The following PDE7B variants were observed in gnomAD, a reference collection of about 807,000 sequenced individuals.
The protein encoded by PDE7B is 3',5'-cyclic-AMP phosphodiesterase 7B.
A neutral mutation model predicts 56.2 loss-of-function variants in PDE7B; 29 were observed. That is an observed-to-expected ratio of 0.52 (90% CI 0.38 to 0.70). The LOEUF is 0.70. PDE7B is among the 30% of genes least tolerant of loss of function. The probability of loss-of-function intolerance (pLI) is 0.00; values close to 1 mark genes in which losing one functional copy is unlikely to be tolerated. For synonymous variants in PDE7B, 197 were observed against 196.9 expected, an observed-to-expected ratio of 1.00 and a Z score of 0.00; for missense variants, 490 against 565.0, an observed-to-expected ratio of 0.87 and a Z score of 1.35.
chr6:135,877,987 C>T (rs796172656), intron 1 of PDE7B, among the ~76,000 whole-genome samples: 85 of 152,158 alleles, frequency 5.6e-4, no homozygotes, highest in African/African-American at 1.9e-3. Flanking sequence ...ACATCTCCAA[C>T]GTGCCACATG....
chr6:136,007,215 G>A (rs1019684338), intron 2 of PDE7B, among the ~76,000 whole-genome samples: 4 of 152,086 alleles, frequency 2.6e-5, no homozygotes, highest in African/African-American at 9.7e-5. Flanking sequence ...TCACATTTAT[G>A]GATTTGTATA....
intron 2 of PDE7B, among the ~76,000 whole-genome samples, chr6:136,014,719 G>T (rs1207081211): frequency 6.6e-6 from 1 of 152,218 alleles, no homozygotes; most frequent in Non-Finnish European, 1.5e-5. Context: ...TCTTTTGAAA[G>T]TAGGTAGAGT....
chr6:136,108,774 C>A lies in PDE7B; in HGVS notation c.126C>A (p.Arg42=), dbSNP rs755359620. 10 of 1,611,714 alleles carry A rather than the reference C, an allele frequency of 6.2e-6. No homozygotes were observed. The African/African-American group carries it at 1.3e-4, about 22-fold the overall frequency. The change falls in exon 3 of 13, where the codon CGC becomes CGA. Residue 42 remains arginine (R), a synonymous_variant. Transcript: ENST00000308191. ...GTCAGACGGGGGTTCGTGCTGAACG[C>A]CGTGGCTCCTACCCATTCATTGACT... is the stretch of plus-strand genomic sequence containing the variant. ...LRGQTGVRAE[R]RGSYPFIDFR...
intron 2 of PDE7B, among the ~76,000 whole-genome samples, chr6:135,997,893 CT>C (rs1409790406): frequency 4.6e-5 from 7 of 152,092 alleles, no homozygotes; most frequent in Non-Finnish European, 1.0e-4. Context: ...CTTTTTAATA[CT>C]GCCTTTTTAC....
chr6:136,074,246 C>A (rs114339369), intron 2 of PDE7B, among the ~76,000 whole-genome samples: 1 of 147,420 alleles, frequency 6.8e-6, no homozygotes, highest in South Asian at 2.1e-4. Context: ...AAAAAAAAGG[C>A]GGGGGGGATT....
chr6:136,115,523 T>C (rs1310472046), intron 3 of PDE7B, among the ~76,000 whole-genome samples: 2 of 152,114 alleles, frequency 1.3e-5, no homozygotes, highest in East Asian at 3.9e-4. Flanking sequence ...CAGGAAAAAT[T>C]ATACAACATA....
At chr6:136,024,286 G>C (rs1043487146) in intron 2 of PDE7B, among the ~76,000 whole-genome samples, 2 of 152,184 alleles carry the variant, frequency 1.3e-5, no homozygotes, top group Non-Finnish European at 2.9e-5. Flanking sequence ...AGAAATGGCA[G>C]CAGATCAATA....
intron 2 of PDE7B, among the ~76,000 whole-genome samples, chr6:135,998,894 G>A (rs1775615767): frequency 6.6e-6 from 1 of 152,096 alleles, no homozygotes; most frequent in African/African-American, 2.4e-5. Flanking sequence ...GAAAGAAGGA[G>A]GAGGGGAGAG....
chr6:135,865,043 T>C (rs970528564), intron 1 of PDE7B, among the ~76,000 whole-genome samples: 5 of 150,874 alleles, frequency 3.3e-5, no homozygotes, highest in African/African-American at 1.2e-4. Context: ...ATGCAATGTT[T>C]GTTTTTTTGT....
At chr6:136,008,382 A>G (rs1775826236) in intron 2 of PDE7B, among the ~76,000 whole-genome samples, 1 of 152,146 alleles carries the variant, frequency 6.6e-6, no homozygotes, top group African/African-American at 2.4e-5. Flanking sequence ...TGGTATTTCT[A>G]GTTCTAGATC....
chr6:135,907,926 A>T (rs531824034), intron 1 of PDE7B, among the ~76,000 whole-genome samples: 1 of 152,202 alleles, frequency 6.6e-6, no homozygotes, highest in South Asian at 2.1e-4. Context: ...GAAATAGAAG[A>T]TGGCCCCTAA....
At chr6:135,860,017 G>C (rs140124980) in intron 1 of PDE7B, among the ~76,000 whole-genome samples, 4 of 152,100 alleles carry the variant, frequency 2.6e-5, no homozygotes, top group Admixed American at 6.5e-5. Flanking sequence ...GAATGATACT[G>C]TTGGCAAGTT....
chr6:136,188,417 T>C (rs913369953), intron 12 of PDE7B, among the ~76,000 whole-genome samples: 6 of 152,118 alleles, frequency 3.9e-5, no homozygotes, highest in Admixed American at 3.3e-4. Context: ...TGCAAGGGAA[T>C]ATCAGCAACA....
intron 2 of PDE7B, among the ~76,000 whole-genome samples, chr6:136,001,404 G>T (rs1415489221): frequency 1.3e-5 from 2 of 152,164 alleles, no homozygotes; most frequent in Non-Finnish European, 2.9e-5. Flanking sequence ...ACTACTCCGG[G>T]CTACAGGATG....
At chr6:136,081,221 G>A (rs1361052815) in intron 2 of PDE7B, among the ~76,000 whole-genome samples, 1 of 152,110 alleles carries the variant, frequency 6.6e-6, no homozygotes, top group African/African-American at 2.4e-5. Context: ...GAGATGGACT[G>A]AAAGTGAACA....
In PDE7B at chr6:135,851,858, C is replaced by CTTTTTTTTTTTTTTTTTTTTTTTTTT; in HGVS notation, c.-128_-127insTTTTTTTTTTTTTTTTTTTTTTTTTT. 1 of 508,638 alleles carries CTTTTTTTTTTTTTTTTTTTTTTTTTT rather than the reference C, an allele frequency of 2.0e-6. No individual in the cohort carries two copies. Among genetic ancestry groups the CTTTTTTTTTTTTTTTTTTTTTTTTTT allele is most frequent in the Non-Finnish European group, 3.5e-6 (1 of 282,606 alleles). The allele number at this position is 508,638 out of a possible 1,614,324, so 31.5% of individuals were successfully genotyped here. The stretch of plus-strand genomic sequence containing the variant: ...TTCTTTATTTCTTTTCCTTTTTTTT[C>CTTTTTTTTTTTTTTTTTTTTTTTTTT]TTTTTTTTTTTTTGTTACTTAATTA... On this transcript the variant is annotated 5_prime_UTR_variant, in exon 1 of 13. Coordinates refer to ENST00000308191, the MANE Select transcript of PDE7B (RefSeq NM_018945.4).
rs147279259 is a variant in PDE7B at position 135,851,727 on chromosome 6, C to G, written c.-272C>G. On this transcript the variant is annotated 5_prime_UTR_variant, in exon 1 of 13. Coordinates refer to ENST00000308191, the MANE Select transcript of PDE7B (RefSeq NM_018945.4). ...GTTGGTCTGGGCACTGCAGCAGGCT[C>G]GGCTCTGTCCCAGCACTTGTCTGGG... The G allele has an allele frequency of 2.7e-5, 11 of 405,494 alleles. No homozygotes were observed. The highest frequency in any genetic ancestry group is 4.4e-5 in the Non-Finnish European group (10 of 227,166). 25.1% of individuals were successfully genotyped at this position (405,494 alleles called of 1,614,324 possible).
intron 2 of PDE7B, among the ~76,000 whole-genome samples, chr6:136,097,833 C>A (rs1355940523): frequency 2.0e-5 from 3 of 152,042 alleles, no homozygotes; most frequent in African/African-American, 2.4e-5. Flanking sequence ...TTGTTATGAT[C>A]TCTCCGATAA....
chr6:136,008,837 A>G (rs1775836236), intron 2 of PDE7B, among the ~76,000 whole-genome samples: 1 of 151,904 alleles, frequency 6.6e-6, no homozygotes, highest in Admixed American at 6.6e-5. Context: ...TCTTTAGTTT[A>G]ATTAGATCCC....
Sources: gnomAD v4.1 joint callset for allele counts (sites outside exome capture counted in the v4.1 genomes callset) on GRCh38, gnomAD v4.1.1 for gene constraint, MANE v1.5 for transcripts, NCBI Gene and HGNC (gene_info 2026-07-23, HGNC 2026-07-21) for gene names.